Variants in NUP210 observed in about 807,000 individuals in gnomAD.
The protein encoded by NUP210 is nucleoporin 210.
A neutral mutation model predicts 196.0 loss-of-function variants in NUP210; 151 were observed. The observed-to-expected ratio is 0.77, with a 90% confidence interval of 0.67 to 0.88. NUP210 has a LOEUF of 0.88. Among genes scored for constraint, NUP210 ranks in the 40% least tolerant of loss-of-function variants. NUP210 has a pLI of 0.00. For missense variants in NUP210, 2,314 were observed against 2,493.7 expected (o/e 0.93, Z 1.53); for synonymous variants, 1,070 against 1,052.7 (o/e 1.02, Z -0.32).
At chr3:13,392,332 G>A (rs1474835458) in intron 3 of NUP210, among the ~76,000 whole-genome samples, 1 of 152,184 alleles carries the variant, frequency 6.6e-6, no homozygotes, top group Admixed American at 6.5e-5. Context: ...AATGAAGAGA[G>A]GCATCTTCTT....
chr3:13,357,172 G>A (rs1021364988), intron 16 of NUP210, among the ~76,000 whole-genome samples: 3 of 152,182 alleles, frequency 2.0e-5, no homozygotes, highest in East Asian at 3.8e-4. Context: ...CAGTGCATTC[G>A]CTGGTTCACT....
intron 15 of NUP210, among the ~76,000 whole-genome samples, chr3:13,359,697 C>T (rs1298819327): frequency 1.3e-5 from 2 of 152,184 alleles, no homozygotes; most frequent in Non-Finnish European, 2.9e-5. Flanking sequence ...TCACCCTCCC[C>T]GGGGAAGGAG....
At chr3:13,400,583 G>A (rs766307844) in intron 1 of NUP210, among the ~76,000 whole-genome samples, 41 of 152,222 alleles carry the variant, frequency 2.7e-4, no homozygotes, top group Admixed American at 4.6e-4. Flanking sequence ...CCAGGCCCAG[G>A]TGAGAAGGTG....
intron 20 of NUP210, among the ~76,000 whole-genome samples, chr3:13,351,076 AAAAG>A (rs1697955268): frequency 6.6e-6 from 1 of 152,238 alleles, no homozygotes; most frequent in Admixed American, 6.5e-5. Flanking sequence ...TTAAACTGGC[AAAAG>A]AAAGCATTAG....
intron 13 of NUP210, among the ~76,000 whole-genome samples, chr3:13,366,516 C>CTTTTTTT (rs58529748): frequency 2.7e-5 from 3 of 110,854 alleles, no homozygotes; most frequent in African/African-American, 1.1e-4. Context: ...TGATTTCTTT[C>CTTTTTTT]TTTTTTTTTT....
chr3:13,325,378 C>T (rs1358807687), intron 33 of NUP210, among the ~76,000 whole-genome samples: 5 of 152,224 alleles, frequency 3.3e-5, no homozygotes, highest in Non-Finnish European at 7.3e-5. Flanking sequence ...ACTTGCCCCA[C>T]TGATTCATTC....
chr3:13,317,903 G>T (rs1696337995), intron 39 of NUP210, 122 bp from the exon 40 acceptor site: 4 of 667,008 alleles, frequency 6.0e-6, no homozygotes, highest in Non-Finnish European at 1.0e-5. Context: ...GATGCCCCGA[G>T]GCCTCCCCGG....
Position 13,332,316 on chromosome 3 carries a change from T to C in NUP210, c.3912A>G (p.Ser1304=). Residue 1304 remains serine, a synonymous_variant, in exon 29 of 40, where the codon TCA becomes TCG. Transcript: ENST00000254508. ...EAEQILMSPN[S]YIKLQTNRDG... ...ACCTGTTTGTCTGCAGCTTTATATA[T>C]GAGTTGGGCGACATTAATATTTGTT... 1 of 1,613,848 alleles carries C rather than the reference T, an allele frequency of 6.2e-7. No individual in the cohort carries two copies. The highest frequency in any genetic ancestry group is 2.2e-5 in the East Asian group (1 of 44,880).
intron 4 of NUP210, among the ~76,000 whole-genome samples, chr3:13,389,863 C>A (rs1699429354): frequency 1.3e-5 from 2 of 151,900 alleles, no homozygotes; most frequent in Non-Finnish European, 2.9e-5. Flanking sequence ...GATGTTCCTG[C>A]CAAAGACACA....
At position 13,342,014 on chromosome 3, in the gene NUP210, GA is replaced by G; in HGVS notation, c.3073del (p.Ser1025ProfsTer32). The G allele has an allele frequency of 6.2e-7, 1 of 1,614,242 alleles. No homozygotes were observed. Among genetic ancestry groups the G allele is most frequent in the South Asian group, 1.1e-5 (1 of 91,088 alleles). On this transcript the variant is annotated frameshift_variant, in exon 22 of 40. Coordinates refer to ENST00000254508, the MANE Select transcript of NUP210 (RefSeq NM_024923.4). LOFTEE classifies it high-confidence loss of function. Reference sequence around the variant, plus strand: ...AACTCACACCAATGTAATGATCGGGGAGGCTGCTCGGAGCTTCAGGTCCATA... The same window carrying G: ...AACTCACACCAATGTAATGATCGGGGGGCTGCTCGGAGCTTCAGGTCCATA... ...PFMDLKLRAA[S>X]PIITLVALDE...
chr3:13,352,342 T>C (rs1177253299), intron 18 of NUP210, among the ~76,000 whole-genome samples, 158 bp from the exon 19 acceptor site: 3 of 152,194 alleles, frequency 2.0e-5, no homozygotes, highest in African/African-American at 7.2e-5. Flanking sequence ...CTTTGAGGTC[T>C]CCCTTCAGCC....
In NUP210 at chr3:13,319,217, G is replaced by A. The variant is rs370295995; in HGVS notation, c.5479+13C>T. ...CAGGGGAACAGACCCAGAGATACAG[G>A]CAGCCTCCTCACCTATGATCATGAC... On this transcript the variant is annotated intron_variant, in intron 38 of 39. Coordinates refer to ENST00000254508, the MANE Select transcript of NUP210 (RefSeq NM_024923.4). 4.3e-6 allele frequency: 7 copies of A among 1,612,240 alleles called. No homozygotes were observed. The Admixed American group carries it at 6.7e-5, about 15-fold the overall frequency.
At chr3:13,403,042 C>T (rs560654702) in intron 1 of NUP210, among the ~76,000 whole-genome samples, 1 of 152,332 alleles carries the variant, frequency 6.6e-6, no homozygotes, top group East Asian at 1.9e-4. Context: ...AAGTCCCCTG[C>T]ACTCTGCCTA....
Position 13,372,017 on chromosome 3 carries a change from G to A in NUP210, c.1603C>T (p.Pro535Ser), listed in dbSNP as rs753616628. ...FGEMKVYVIE[P>S]HSMEFAPCQV... The stretch of plus-strand genomic sequence containing the variant: ...CACGGGGCAAACTCCATGCTGTGGG[G>A]CTCGATCACATACACCTGGAAGACA... Residue 535 changes from proline (P) to serine (S), a missense_variant, in exon 13 of 40, where the codon CCC becomes TCC. By Grantham distance (74) the Pro-to-Ser change is moderately conservative (BLOSUM62 -1). Coordinates refer to ENST00000254508, the MANE Select transcript of NUP210 (RefSeq NM_024923.4). 1.1e-5 allele frequency: 17 copies of A among 1,581,874 alleles called. No homozygotes were observed. The Admixed American group carries it at 2.0e-4, about 18-fold the overall frequency.
At position 13,347,161 on chromosome 3, in the gene NUP210, A is replaced by G. The variant is rs1697771309; in HGVS notation, c.2836-3858T>C. The stretch of plus-strand genomic sequence containing the variant: ...ATGGAGAGAAGCAGCCGCAGCTCAT[A>G]GGACCCAGGAGATGGAGAGACACAG... On this transcript the variant is annotated intron_variant, in intron 20 of 39. Transcript: ENST00000254508. This position sits in a 1 kb window ranked among gnomAD's most constrained non-coding sequence, Gnocchi z 4.7. 2.0e-6 allele frequency: 2 copies of G among 985,292 alleles called. No homozygotes were observed. Among genetic ancestry groups the G allele is most frequent in the East Asian group, 2.3e-4 (2 of 8,814 alleles). 61.0% of individuals were successfully genotyped at this position (985,292 alleles called of 1,614,324 possible).
rs1699781814 is a variant in NUP210, at chr3:13,399,964, C to T, written c.168-103G>A. ...CACCCGTCTAGGGCGCAGTCCTGGACCCAAAGACAGAAGTGAGGTGGGCCA... is the reference window on the plus strand; with the variant it reads ...CACCCGTCTAGGGCGCAGTCCTGGATCCAAAGACAGAAGTGAGGTGGGCCA... On this transcript the variant is annotated intron_variant, in intron 1 of 39. Coordinates refer to ENST00000254508, the MANE Select transcript of NUP210 (RefSeq NM_024923.4). The T allele has an allele frequency of 4.3e-6, 6 of 1,392,930 alleles. No individual in the cohort carries two copies. The South Asian group carries it at 8.5e-5, about 20-fold the overall frequency. The allele number at this position is 1,392,930 out of a possible 1,614,324, so 86.3% of individuals were successfully genotyped here.
chr3:13,372,047 C>A lies in NUP210; in HGVS notation c.1588-15G>T. On this transcript the variant is annotated splice_polypyrimidine_tract_variant and intron_variant, in intron 12 of 39. Transcript: ENST00000254508. ...ATCACATACACCTGGAAGACAGGGG[C>A]ATGGCCTGGGCTCAGCTGCCTCCAC... The A allele has an allele frequency of 6.4e-7, 1 of 1,550,668 alleles. No homozygotes were observed. The highest frequency in any genetic ancestry group is 8.7e-7 in the Non-Finnish European group (1 of 1,144,968).
intron 33 of NUP210, among the ~76,000 whole-genome samples, chr3:13,324,818 ACAG>A (rs1027154996): frequency 1.3e-5 from 2 of 152,122 alleles, no homozygotes; most frequent in Non-Finnish European, 2.9e-5. Context: ...TCACCCTGGA[ACAG>A]CAGCAGCAGC....
chr3:13,330,753 C>T, intron 29 of NUP210, 119 bp from the exon 30 acceptor site: 1 of 960,256 alleles, frequency 1.0e-6, no homozygotes, highest in Non-Finnish European at 1.5e-6. Flanking sequence ...AAAAAAGGCC[C>T]AATCTTGGCC....
Sources: allele counts gnomAD v4.1 joint callset (sites outside exome capture counted in the v4.1 genomes callset), GRCh38; gene constraint gnomAD v4.1.1; non-coding constraint Gnocchi (gnomAD v3.1); transcripts MANE v1.5; gene names NCBI Gene and HGNC (gene_info 2026-07-23, HGNC 2026-07-21).